Variants in MAP3K14 observed in about 807,000 individuals in gnomAD.
MAP3K14 encodes mitogen-activated protein kinase kinase kinase 14.
Under a neutral mutation model 99.2 loss-of-function variants are expected in MAP3K14, and 16 were observed. That is an observed-to-expected ratio of 0.16 (90% confidence interval 0.11 to 0.24). The LOEUF is 0.24. MAP3K14 is among the 10% of genes least tolerant of loss of function. The pLI is 1.00. For synonymous variants in MAP3K14, 462 were observed against 492.4 expected (o/e 0.94, Z 0.82); for missense variants, 784 against 1,208.7 (o/e 0.65, Z 5.21).
At chr17:45,273,307 C>G (rs917060532) in intron 9 of MAP3K14, among the ~76,000 whole-genome samples, 196 bp downstream of exon 9, 1 of 152,118 alleles carries the variant, frequency 6.6e-6, no homozygotes, top group Non-Finnish European at 1.5e-5. Context: ...ACAGGAGCAT[C>G]GACAATGAGC....
chr17:45,282,152 G>T (rs765634552), intron 6 of MAP3K14: 5 of 151,208 alleles, frequency 3.3e-5, no homozygotes, highest in Non-Finnish European at 7.4e-5. Context: ...GCCCAGGCTG[G>T]TCTCCACCTC....
chr17:45,285,094 G>T, intron 5 of MAP3K14, 145 bp from the exon 6 acceptor site: 1 of 850,302 alleles, frequency 1.2e-6, no homozygotes, highest in Non-Finnish European at 1.8e-6. Flanking sequence ...TGGGGCGAAG[G>T]CAGGGATCTG....
intron 1 of MAP3K14, among the ~76,000 whole-genome samples, chr17:45,306,514 C>A (rs1598265574): frequency 6.6e-6 from 1 of 152,166 alleles, no homozygotes; most frequent in East Asian, 1.9e-4. Context: ...TTGTGGTGGG[C>A]CTGTGTTCCT....
intron 6 of MAP3K14, among the ~76,000 whole-genome samples, chr17:45,275,251 C>T (rs989715652): frequency 8.6e-5 from 13 of 151,964 alleles, no homozygotes; most frequent in East Asian, 3.9e-4. Flanking sequence ...TCAAGGAGAT[C>T]GAGGTCGGGA....
intron 3 of MAP3K14, among the ~76,000 whole-genome samples, chr17:45,288,121 A>G (rs1378637076): frequency 6.6e-6 from 1 of 151,950 alleles, no homozygotes; most frequent in Non-Finnish European, 1.5e-5. Flanking sequence ...GAGAAGGCAG[A>G]CTCATGGCAG....
intron 11 of MAP3K14, among the ~76,000 whole-genome samples, chr17:45,269,456 C>A (rs896068061): frequency 6.6e-6 from 1 of 152,200 alleles, no homozygotes; most frequent in African/African-American, 2.4e-5. Context: ...CCAAAATGAT[C>A]TCTTTCTGTG....
At chr17:45,287,488 G>T in intron 3 of MAP3K14, 124 bp from the exon 4 acceptor site, 1 of 735,566 alleles carries the variant, frequency 1.4e-6, no homozygotes, top group Non-Finnish European at 2.2e-6. Flanking sequence ...TTCCTTGTGT[G>T]AATGCGGCAA....
At chr17:45,296,000 A>G (rs2044344079) in intron 1 of MAP3K14, among the ~76,000 whole-genome samples, 1 of 152,256 alleles carries the variant, frequency 6.6e-6, no homozygotes, top group Admixed American at 6.5e-5. Flanking sequence ...TTACAGGGCC[A>G]GCTTGAAAAT....
At chr17:45,273,186 A>AAAGGCT (rs1407476369) in intron 9 of MAP3K14, among the ~76,000 whole-genome samples, 5 of 152,166 alleles carry the variant, frequency 3.3e-5, no homozygotes, top group Admixed American at 1.3e-4. Context: ...ACAGGCTGGC[A>AAAGGCT]GTGCACTCCC....
At position 45,264,621 on chromosome 17, in the gene MAP3K14, C is replaced by A; in HGVS notation, c.*15G>T. On this transcript the variant is annotated 3_prime_UTR_variant, in exon 16 of 16. Transcript: ENST00000344686. ...GCTGCTTCCGGCAGTGTGGAGCCGG[C>A]GGTGGAGGGCAGGGTTAGGGCCTGT... 1.9e-6 allele frequency: 3 copies of A among 1,559,474 alleles called. No homozygotes were observed. The highest frequency in any genetic ancestry group is 2.6e-6 in the Non-Finnish European group (3 of 1,152,794).
chr17:45,274,838 A>G (rs951068596), intron 6 of MAP3K14, among the ~76,000 whole-genome samples: 6 of 152,220 alleles, frequency 3.9e-5, no homozygotes, highest in African/African-American at 1.4e-4. Context: ...AAAAACAGCC[A>G]CATAAAAACT....
intron 6 of MAP3K14, among the ~76,000 whole-genome samples, chr17:45,276,393 G>C (rs530042493): frequency 2.6e-5 from 4 of 152,360 alleles, no homozygotes; most frequent in African/African-American, 9.6e-5. Flanking sequence ...CTCCTGGGTA[G>C]AGCAAGGATT....
At chr17:45,300,559 C>T (rs893577956) in intron 1 of MAP3K14, among the ~76,000 whole-genome samples, 6 of 152,148 alleles carry the variant, frequency 3.9e-5, no homozygotes, top group Non-Finnish European at 7.4e-5. Context: ...GTTGTGTGGG[C>T]CACCCCATAC....
chr17:45,271,252 T>C, intron 9 of MAP3K14, 31 bp from the exon 10 acceptor site: 1 of 1,578,840 alleles, frequency 6.3e-7, no homozygotes, highest in Non-Finnish European at 8.6e-7. Context: ...TAAAGTTACC[T>C]GGAATGCTGA....
chr17:45,308,043 A>G (rs1001181969), intron 1 of MAP3K14, among the ~76,000 whole-genome samples: 1 of 152,188 alleles, frequency 6.6e-6, no homozygotes, highest in Non-Finnish European at 1.5e-5. Flanking sequence ...TTGGGAAGGT[A>G]AAAAAGGGCT....
At chr17:45,288,347 A>G (rs895385534) in intron 3 of MAP3K14, among the ~76,000 whole-genome samples, 4 of 149,516 alleles carry the variant, frequency 2.7e-5, no homozygotes, top group Non-Finnish European at 5.9e-5. Context: ...GCCTGGTGAT[A>G]GGGGAAGGAG....
At chr17:45,301,971 A>G (rs2044391804) in intron 1 of MAP3K14, among the ~76,000 whole-genome samples, 1 of 151,832 alleles carries the variant, frequency 6.6e-6, no homozygotes. Flanking sequence ...TAGCTGGGAC[A>G]GGTGCGTGCC....
intron 1 of MAP3K14, among the ~76,000 whole-genome samples, chr17:45,308,322 G>A (rs2044445678): frequency 6.6e-6 from 1 of 152,142 alleles, no homozygotes; most frequent in Non-Finnish European, 1.5e-5. Context: ...AGGCCTTCTT[G>A]GAATGCTGAA....
chr17:45,281,979 C>T (rs766590653), intron 6 of MAP3K14: 1 of 151,992 alleles, frequency 6.6e-6, no homozygotes, highest in Non-Finnish European at 1.5e-5. Flanking sequence ...AATATAGGCT[C>T]ATTATAAAAG....
Sources: allele counts gnomAD v4.1 joint callset (sites outside exome capture counted in the v4.1 genomes callset), GRCh38; gene constraint gnomAD v4.1.1; transcripts MANE v1.5; gene names NCBI Gene and HGNC (gene_info 2026-07-23, HGNC 2026-07-21).